The following SLC6A6 variants were observed in gnomAD, a reference collection of about 807,000 sequenced individuals.
The protein encoded by SLC6A6 is solute carrier family 6 member 6, also known as sodium- and chloride-dependent taurine transporter.
Under a neutral mutation model 68.8 loss-of-function variants are expected in SLC6A6, and 16 were observed. That is an observed-to-expected ratio of 0.23 (90% CI 0.16 to 0.35). The LOEUF (loss-of-function observed/expected upper bound fraction) is 0.35, where lower values mean the gene tolerates loss of function less well. Among genes scored for constraint, SLC6A6 ranks in the 10% least tolerant of loss-of-function variants. SLC6A6 has a pLI of 1.00. For missense variants in SLC6A6, 474 were observed against 802.8 expected (o/e 0.59, Z 4.95); for synonymous variants, 312 against 315.4 (o/e 0.99, Z 0.12).
chr3:14,426,805 G>A (rs908272371), intron 2 of SLC6A6, among the ~76,000 whole-genome samples: 16 of 152,030 alleles, frequency 1.1e-4, no homozygotes, highest in African/African-American at 3.4e-4. Flanking sequence ...AGAGCTTCCT[G>A]CGGTCTTGGT....
At chr3:14,462,680 C>T (rs1338070762) in intron 6 of SLC6A6, among the ~76,000 whole-genome samples, 1 of 151,748 alleles carries the variant, frequency 6.6e-6, no homozygotes, top group Non-Finnish European at 1.5e-5. Flanking sequence ...GCATGGGCGA[C>T]AGAGACCGTG....
At chr3:14,417,209 G>A (rs67539559) in intron 2 of SLC6A6, among the ~76,000 whole-genome samples, 15,486 of 152,176 alleles carry the variant, frequency 0.1, 951 homozygotes, top group Non-Finnish European at 0.14. Flanking sequence ...AAATAAACAA[G>A]TAAAATGGAA....
In SLC6A6 at chr3:14,484,962, C is replaced by T. The variant is rs760560610; in HGVS notation, c.1818C>T (p.Gly606=). ...TPYNSRTVMN[G]ALVKPTHIIV... ...ACAACTCTCGCACCGTCATGAACGGCGCTCTCGTGAAACCGACCCACATCA... is the reference window on the plus strand; with the variant it reads ...ACAACTCTCGCACCGTCATGAACGGTGCTCTCGTGAAACCGACCCACATCA... The change falls in exon 15 of 15, where the codon GGC becomes GGT. Residue 606 remains glycine, a synonymous_variant. Transcript: ENST00000622186. 5.6e-6 allele frequency: 9 copies of T among 1,613,104 alleles called. No individual in the cohort carries two copies. The highest frequency in any genetic ancestry group is 2.2e-5 in the South Asian group (2 of 91,012).
In SLC6A6 at chr3:14,456,458, C is replaced by T. The variant is rs116217080; in HGVS notation, c.600-1492C>T. 4.9e-3 allele frequency among the ~76,000 whole-genome samples: 746 copies of T among 152,318 alleles called. 7 individuals carry two copies. Among genetic ancestry groups the T allele is most frequent in the African/African-American group, 0.017 (716 of 41,564 alleles). ...GTCCTCCAATGGGCCAGATGCTGTT[C>T]TAGGTGCTGGGAACACAGCAGTAAA... On this transcript the variant is annotated intron_variant, in intron 5 of 14. Coordinates refer to ENST00000622186, the MANE Select transcript of SLC6A6 (RefSeq NM_003043.6).
At chr3:14,459,751 C>A (rs533335957) in intron 6 of SLC6A6, among the ~76,000 whole-genome samples, 2 of 152,232 alleles carry the variant, frequency 1.3e-5, no homozygotes, top group Admixed American at 1.3e-4. Context: ...GTGACTTGTC[C>A]AAGGTCACTT....
At chr3:14,453,965 G>A (rs1700310049) in intron 5 of SLC6A6, among the ~76,000 whole-genome samples, 2 of 152,218 alleles carry the variant, frequency 1.3e-5, no homozygotes, top group Admixed American at 1.3e-4. Flanking sequence ...GCTGCAGTCT[G>A]GGGGATGAGG....
chr3:14,429,551 C>G (rs1003388160), intron 2 of SLC6A6, among the ~76,000 whole-genome samples: 16 of 152,330 alleles, frequency 1.1e-4, no homozygotes, highest in African/African-American at 3.4e-4. Flanking sequence ...TAATCTCTTT[C>G]CTGAGCTGAT....
chr3:14,473,304 C>T (rs1411075676), intron 10 of SLC6A6, among the ~76,000 whole-genome samples: 1 of 152,200 alleles, frequency 6.6e-6, no homozygotes, highest in East Asian at 1.9e-4. Flanking sequence ...CCCAGCCCAG[C>T]ATGAGCCCCT....
intron 1 of SLC6A6, chr3:14,411,092 C>T (rs947487858): frequency 6.6e-6 from 1 of 152,532 alleles, no homozygotes; most frequent in Non-Finnish European, 1.5e-5. Flanking sequence ...TCCTGGATAC[C>T]TCTCTGTACC....
intron 3 of SLC6A6, chr3:14,444,414 T>A (rs1462356003): frequency 8.7e-6 from 2 of 229,160 alleles, no homozygotes; most frequent in African/African-American, 4.5e-5. Context: ...GTTGGGTTGA[T>A]GAGTTGGTTG....
chr3:14,471,514 G>A lies in SLC6A6; in HGVS notation c.1097-691G>A, dbSNP rs539498634. ...CTGAGGCCCTGAGAGGGTATGGGGT[G>A]ATTCAAAAAGGAAATTGGAAGAGGA... On this transcript the variant is annotated intron_variant, in intron 9 of 14. Transcript: ENST00000622186. Among the ~76,000 whole-genome samples the A allele has an allele frequency of 1.6e-3, 237 of 152,296 alleles. 2 individuals are homozygous for A. The highest frequency in any genetic ancestry group is 9.7e-4 in the Non-Finnish European group (66 of 68,014).
rs1365541861 is a variant in SLC6A6, at chr3:14,472,750, G to A, written c.1209+433G>A. Among the ~76,000 whole-genome samples the A allele has an allele frequency of 6.6e-6, 1 of 152,204 alleles. No individual in the cohort carries two copies. Among genetic ancestry groups the A allele is most frequent in the Admixed American group, 6.5e-5 (1 of 15,288 alleles). ...CATGGCAGATGGGCGATTCGGAGAA[G>A]GGACCCACATTTCTGTGTGAGCTGA... is the stretch of plus-strand genomic sequence containing the variant. On this transcript the variant is annotated intron_variant, in intron 10 of 14. Transcript: ENST00000622186. This position sits in a 1 kb window ranked among gnomAD's most constrained non-coding sequence, Gnocchi z 4.5.
chr3:14,477,228 C>T lies in SLC6A6; in HGVS notation c.1233C>T (p.Ile411=). ...DSQFVEVEGQ[I]TSLVDLYPSF... The stretch of plus-strand genomic sequence containing the variant: ...AGTTTGTTGAAGTTGAAGGACAGAT[C>T]ACATCCTTGGTTGATCTTTACCCAT... The change falls in exon 11 of 15, where the codon ATC becomes ATT. Residue 411 remains isoleucine (I), a synonymous_variant. Transcript: ENST00000622186. The surrounding 1 kb of genome is among the most constrained non-coding windows in gnomAD (Gnocchi z 4.2). The T allele has an allele frequency of 6.2e-7, 1 of 1,613,612 alleles. No homozygotes were observed. The highest frequency in any genetic ancestry group is 8.5e-7 in the Non-Finnish European group (1 of 1,179,786).
At chr3:14,413,678 G>T (rs1330161382) in intron 1 of SLC6A6, among the ~76,000 whole-genome samples, 1 of 151,950 alleles carries the variant, frequency 6.6e-6, no homozygotes, top group Non-Finnish European at 1.5e-5. Context: ...AAGGGCTGAT[G>T]ACCTCTCTGG....
chr3:14,473,583 G>A (rs1197673907), intron 10 of SLC6A6, among the ~76,000 whole-genome samples: 1 of 152,174 alleles, frequency 6.6e-6, no homozygotes, highest in Non-Finnish European at 1.5e-5. Flanking sequence ...AGGGAGAGGA[G>A]GCGGCCAGCC....
At chr3:14,410,784 C>T (rs1340914342) in intron 1 of SLC6A6, among the ~76,000 whole-genome samples, 11 of 152,232 alleles carry the variant, frequency 7.2e-5, no homozygotes, top group Non-Finnish European at 1.6e-4. Context: ...CCAAGTGACT[C>T]ACTGTCATGT....
intron 6 of SLC6A6, among the ~76,000 whole-genome samples, 187 bp from the exon 7 acceptor site, chr3:14,466,329 G>A (rs1700619447): frequency 6.8e-6 from 1 of 147,848 alleles, no homozygotes; most frequent in South Asian, 2.1e-4. Context: ...CCAGATTACA[G>A]ATGAGGCAGC....
intron 2 of SLC6A6, among the ~76,000 whole-genome samples, chr3:14,426,514 G>T (rs965063514): frequency 6.6e-6 from 1 of 152,206 alleles, no homozygotes; most frequent in Admixed American, 6.5e-5. Flanking sequence ...ACTCTAAGAT[G>T]CTACACAGTC....
At position 14,485,345 on chromosome 3, in the gene SLC6A6, C is replaced by T. The variant is rs1701129992; in HGVS notation, c.*338C>T. On this transcript the variant is annotated 3_prime_UTR_variant, in exon 15 of 15. Transcript: ENST00000622186. ...TTTTTTTTACATATAAGTATATATA[C>T]ACTTAGAGATTGTCATATACTTTTA... 5.7e-6 allele frequency: 1 copy of T among 174,074 alleles called. No homozygotes were observed. Among genetic ancestry groups the T allele is most frequent in the South Asian group, 1.8e-4 (1 of 5,694 alleles). The allele number at this position is 174,074 out of a possible 1,614,324, so 10.8% of individuals were successfully genotyped here. A position where few individuals can be genotyped will look rare whatever the true frequency, so the allele number is the denominator to read the frequency against.
Sources: gnomAD v4.1 joint callset for allele counts (sites outside exome capture counted in the v4.1 genomes callset) on GRCh38, gnomAD v4.1.1 for gene constraint, Gnocchi (gnomAD v3.1) non-coding constraint, MANE v1.5 for transcripts, NCBI Gene and HGNC (gene_info 2026-07-23, HGNC 2026-07-21) for gene names.